Variants in LAMC1 observed in about 807,000 individuals in gnomAD.
The protein encoded by LAMC1 is laminin subunit gamma 1.
A neutral mutation model predicts 173.6 loss-of-function variants in LAMC1; 38 were observed. That is an observed-to-expected ratio of 0.22 (90% CI 0.17 to 0.29). The LOEUF is 0.29. Among genes scored for constraint, LAMC1 ranks in the 10% least tolerant of loss-of-function variants. The pLI is 1.00. For synonymous variants in LAMC1, 746 were observed against 749.1 expected (o/e 1.00, Z 0.07); for missense variants, 1,824 against 2,051.8 (o/e 0.89, Z 2.14).
chr1:183,092,596 C>CA (rs1421018206), intron 1 of LAMC1, among the ~76,000 whole-genome samples: 1 of 152,138 alleles, frequency 6.6e-6, no homozygotes, highest in Non-Finnish European at 1.5e-5. Context: ...AACAGGAAGA[C>CA]ATAGACCTGG....
At chr1:183,055,113 C>G (rs540491755) in intron 1 of LAMC1, among the ~76,000 whole-genome samples, 1 of 151,806 alleles carries the variant, frequency 6.6e-6, no homozygotes, top group African/African-American at 2.4e-5. Flanking sequence ...CTCAGCCTCC[C>G]GAGTAGCTGG....
At chr1:183,059,935 T>G (rs4266836) in intron 1 of LAMC1, among the ~76,000 whole-genome samples, 78,760 of 151,974 alleles carry the variant, frequency 0.52, 20,798 homozygotes, top group South Asian at 0.64. Flanking sequence ...CGTTGGAAGT[T>G]TCTGGCACTG....
In LAMC1 at chr1:183,136,399, T is replaced by C. The variant is rs20560; in HGVS notation, c.4128T>C (p.Arg1376=). ...ILNNLKDFDR[R]VNDNKTAAEE... is the part of the protein sequence containing the mutation. ...AACTTGTTTCAGATTTTGATAGGCG[T>C]GTGAACGATAACAAGACGGCCGCAG... The change falls in exon 25 of 28, where the codon CGT becomes CGC. Residue 1376 remains arginine (R), a synonymous_variant. Transcript: ENST00000258341. 0.57 allele frequency: 919,426 copies of C among 1,612,820 alleles called. 264,488 individuals are homozygous for C. The highest frequency in any genetic ancestry group is 0.67 in the Admixed American group (40,076 of 59,994).
At chr1:183,027,300 G>T (rs1653715889) in intron 1 of LAMC1, among the ~76,000 whole-genome samples, 1 of 152,068 alleles carries the variant, frequency 6.6e-6, no homozygotes, top group Admixed American at 6.6e-5. Flanking sequence ...TTTCTAAGAA[G>T]AAGTCTTTTT....
In LAMC1 at chr1:183,144,647, G is replaced by A. The variant is rs559810508; in HGVS notation, c.*1857G>A. 3.7e-4 allele frequency: 56 copies of A among 152,318 alleles called. No individual in the cohort carries two copies. The highest frequency in any genetic ancestry group is 1.3e-3 in the African/African-American group (53 of 41,564). 9.4% of individuals were successfully genotyped at this position (152,318 alleles called of 1,614,324 possible). On this transcript the variant is annotated 3_prime_UTR_variant, in exon 28 of 28. Transcript: ENST00000258341. The stretch of plus-strand genomic sequence containing the variant: ...CAGGAACGCCAGGTTGACAAGCTAT[G>A]GTAGGATTAGGAAAGTTTGCTGAAG...
intron 27 of LAMC1, chr1:183,141,400 G>C (rs1219477169): frequency 6.6e-6 from 1 of 152,206 alleles, no homozygotes; most frequent in Non-Finnish European, 1.5e-5. Flanking sequence ...GTCCGATGAG[G>C]GGAAAGCTTT....
At chr1:183,047,248 A>C (rs190805782) in intron 1 of LAMC1, among the ~76,000 whole-genome samples, 1 of 152,310 alleles carries the variant, frequency 6.6e-6, no homozygotes, top group African/African-American at 2.4e-5. Flanking sequence ...TGATTAATAC[A>C]TGTATTTCCC....
chr1:183,061,621 C>A (rs1654747819), intron 1 of LAMC1, among the ~76,000 whole-genome samples: 1 of 151,986 alleles, frequency 6.6e-6, no homozygotes, highest in Non-Finnish European at 1.5e-5. Flanking sequence ...ACTGTAAGTT[C>A]TTTTGTTCAT....
intron 1 of LAMC1, among the ~76,000 whole-genome samples, chr1:183,074,062 A>G (rs1655071485): frequency 6.6e-6 from 1 of 152,174 alleles, no homozygotes; most frequent in African/African-American, 2.4e-5. Flanking sequence ...TATCAAAGTT[A>G]TACTAGCTTC....
chr1:183,055,269 T>C (rs1654555684), intron 1 of LAMC1, among the ~76,000 whole-genome samples: 3 of 151,712 alleles, frequency 2.0e-5, no homozygotes, highest in Admixed American at 6.6e-5. Flanking sequence ...GGATTACAGG[T>C]ATGAGCCACC....
Position 183,025,358 on chromosome 1 carries a change from G to A in LAMC1, c.418+1224G>A, listed in dbSNP as rs926171170. 1.6e-4 allele frequency among the ~76,000 whole-genome samples: 25 copies of A among 152,178 alleles called. 2 individuals are homozygous for A. Among genetic ancestry groups the A allele is most frequent in the Non-Finnish European group, 1.5e-5 (1 of 68,036 alleles). On this transcript the variant is annotated intron_variant, in intron 1 of 27. Transcript: ENST00000258341. ...TAACAAAAAGTACTTTGAAAAGTGG[G>A]ATTAAATTATTGTGTGTGGAATAAG...
intron 1 of LAMC1, among the ~76,000 whole-genome samples, chr1:183,071,853 A>G (rs1655019580): frequency 6.6e-6 from 1 of 152,196 alleles, no homozygotes; most frequent in Non-Finnish European, 1.5e-5. Context: ...TTCAGGCAAA[A>G]CACATGGAAA....
At chr1:183,110,091 A>G (rs916564549) in intron 3 of LAMC1, among the ~76,000 whole-genome samples, 2 of 152,174 alleles carry the variant, frequency 1.3e-5, no homozygotes, top group Non-Finnish European at 2.9e-5. Context: ...CCTGTTTTAC[A>G]GGCGAGGCAC....
At chr1:183,029,865 A>G (rs1451668495) in intron 1 of LAMC1, among the ~76,000 whole-genome samples, 1 of 152,162 alleles carries the variant, frequency 6.6e-6, no homozygotes, top group Non-Finnish European at 1.5e-5. Context: ...CAACAATGCA[A>G]ATTCCTGGAT....
At chr1:183,095,872 C>T (rs1055660934) in intron 1 of LAMC1, among the ~76,000 whole-genome samples, 3 of 152,030 alleles carry the variant, frequency 2.0e-5, no homozygotes, top group Admixed American at 6.6e-5. Flanking sequence ...ATGAATTTAT[C>T]GTATGTTTTG....
intron 1 of LAMC1, among the ~76,000 whole-genome samples, chr1:183,101,828 C>T (rs1314736174): frequency 6.6e-6 from 1 of 152,168 alleles, no homozygotes; most frequent in East Asian, 1.9e-4. Context: ...AAGTATGTTT[C>T]ATGTATGTGG....
At chr1:183,129,379 C>T (rs899675238) in intron 18 of LAMC1, among the ~76,000 whole-genome samples, 2 of 152,002 alleles carry the variant, frequency 1.3e-5, no homozygotes, top group African/African-American at 2.4e-5. Context: ...TGAGCCACTG[C>T]GCCCAGCCAA....
At chr1:183,066,038 C>T (rs1296666598) in intron 1 of LAMC1, among the ~76,000 whole-genome samples, 3 of 152,280 alleles carry the variant, frequency 2.0e-5, no homozygotes, top group East Asian at 3.9e-4. Flanking sequence ...TACATGATAA[C>T]GCATTATTGT....
Position 183,034,507 on chromosome 1 carries a change from G to A in LAMC1, c.418+10373G>A, listed in dbSNP as rs571489537. Among the ~76,000 whole-genome samples the A allele has an allele frequency of 1.8e-4, 28 of 152,206 alleles. No individual in the cohort carries two copies. In the East Asian group the frequency reaches 4.6e-3, roughly 25 times the overall value. ...AGGCTTGTCTCGAACTCCTGACCTCGTGATCTGCCCGCCTCGGCCTCCCAA... is the reference window on the plus strand; with the variant it reads ...AGGCTTGTCTCGAACTCCTGACCTCATGATCTGCCCGCCTCGGCCTCCCAA... On this transcript the variant is annotated intron_variant, in intron 1 of 27. Coordinates refer to ENST00000258341, the MANE Select transcript of LAMC1 (RefSeq NM_002293.4).
Sources: allele counts gnomAD v4.1 joint callset (sites outside exome capture counted in the v4.1 genomes callset), GRCh38; gene constraint gnomAD v4.1.1; transcripts MANE v1.5; gene names NCBI Gene and HGNC (gene_info 2026-07-23, HGNC 2026-07-21).